PLEKHH3: variants seen among roughly 807,000 people sequenced by gnomAD.
PLEKHH3 encodes the protein pleckstrin homology domain-containing family H member 3.
In PLEKHH3, 57 loss-of-function variants were observed where a neutral mutation model predicts 77.8. The observed-to-expected ratio is 0.73, with a 90% CI of 0.59 to 0.91. The LOEUF is 0.91. PLEKHH3 is among the 40% of genes least tolerant of loss of function. The pLI is 0.00. For missense variants in PLEKHH3, 1,082 were observed against 1,091.2 expected, an observed-to-expected ratio of 0.99 and a Z score of 0.12; for synonymous variants, 467 against 504.8, an observed-to-expected ratio of 0.93 and a Z score of 1.00.
At position 42,672,075 on chromosome 17, in the gene PLEKHH3, G is replaced by GC; in HGVS notation, c.1076+10dup. 1.0e-5 allele frequency: 15 copies of GC among 1,455,968 alleles called. No homozygotes were observed. Among genetic ancestry groups the GC allele is most frequent in the Non-Finnish European group, 1.4e-5 (15 of 1,099,340 alleles). 90.2% of individuals were successfully genotyped at this position (1,455,968 alleles called of 1,614,324 possible). ...TCGCCTAGGCCGTAACCCCCACCTC[G>GC]CCCCTCTCACCTCTCCAAGTGCCCC... On this transcript the variant is annotated intron_variant, in intron 7 of 12. Transcript: ENST00000591022.
At position 42,669,434 on chromosome 17, in the gene PLEKHH3, G is replaced by A; in HGVS notation, c.2201C>T (p.Pro734Leu). ...ACAACTCCTCTTCTCACTCACCTGG[G>A]GGCTCTGCAGGAGGAGCTGGCTCTC... is the stretch of plus-strand genomic sequence containing the variant. ...VGESQLLLQS[P>L]QVEEIMQLVN... Residue 734 changes from proline to leucine, a missense_variant, in exon 12 of 13, where the codon CCC (proline) becomes CTC (leucine). Coordinates refer to ENST00000591022, the MANE Select transcript of PLEKHH3 (RefSeq NM_024927.5). 1 of 1,537,182 alleles carries A rather than the reference G, an allele frequency of 6.5e-7. No homozygotes were observed. Among genetic ancestry groups the A allele is most frequent in the Non-Finnish European group, 8.8e-7 (1 of 1,137,922 alleles).
rs370126779 is a variant in PLEKHH3, at chr17:42,673,993, G to A, written c.239C>T (p.Thr80Ile). 3 of 1,613,246 alleles carry A rather than the reference G, an allele frequency of 1.9e-6. No homozygotes were observed. The highest frequency in any genetic ancestry group is 2.5e-6 in the Non-Finnish European group (3 of 1,179,904). ...VSNRLQSWEE[T>I]WSLIPEKGLP... ...CCCTTTCTCCGGGATGAGGCTCCAAGTCTCCTCCCAGCTCTGCAGCCTGGG... is the reference window on the plus strand; with the variant it reads ...CCCTTTCTCCGGGATGAGGCTCCAAATCTCCTCCCAGCTCTGCAGCCTGGG... Residue 80 changes from threonine (T) to isoleucine (I), a missense_variant, in exon 3 of 13, where the codon ACT becomes ATT. By Grantham distance (89) the Thr-to-Ile change is moderately conservative (BLOSUM62 -1). Around this residue, in one of 3 missense-constraint regions of PLEKHH3, gnomAD observed 344 missense variants for 320.8 expected, o/e 1.07. Transcript: ENST00000591022.
Position 42,671,500 on chromosome 17 carries a change from C to T in PLEKHH3, c.1135G>A (p.Ala379Thr), listed in dbSNP as rs760829566. The T allele has an allele frequency of 6.2e-7, 1 of 1,613,090 alleles. No homozygotes were observed. Among genetic ancestry groups the T allele is most frequent in the South Asian group, 1.1e-5 (1 of 91,044 alleles). Residue 379 changes from alanine (A) to threonine (T), a missense_variant, in exon 8 of 13, where the codon GCG becomes ACG. Transcript: ENST00000591022. The surrounding 1 kb of genome is among the most constrained non-coding windows in gnomAD (Gnocchi z 4.7). ...TCTCTGCCGCGCGTCCGGCCCAGCG[C>T]TTTCCGGATGAAGCGCGCATATTCC... is the stretch of plus-strand genomic sequence containing the variant. ...LAEYARFIRKALGRTRGRELV... is the reference protein window; with the variant it reads ...LAEYARFIRKTLGRTRGRELV...
intron 12 of PLEKHH3, 109 bp from the exon 13 acceptor site, chr17:42,668,412 G>T: frequency 1.1e-6 from 1 of 939,642 alleles, no homozygotes; most frequent in Non-Finnish European, 1.5e-6. Context: ...GGTCCTACGT[G>T]CTCTGGCCCT....
At chr17:42,675,758 G>A (rs2052809919) in intron 1 of PLEKHH3, 1 of 579,576 alleles carries the variant, frequency 1.7e-6, no homozygotes, top group South Asian at 7.5e-5. Flanking sequence ...TTCCCCACGG[G>A]GAGATTCGAC....
In PLEKHH3 at chr17:42,676,025, G is replaced by C; in HGVS notation, c.162+377C>G. 7 of 1,103,210 alleles carry C rather than the reference G, an allele frequency of 6.3e-6. 1 individual carries two copies. The South Asian group carries it at 2.0e-4, about 31-fold the overall frequency. 68.3% of individuals were successfully genotyped at this position (1,103,210 alleles called of 1,614,324 possible). A position where few individuals can be genotyped will look rare whatever the true frequency, so the allele number is the denominator to read the frequency against. Reference sequence around the variant, plus strand: ...CACTTGCGAACTGGGAGCGGAGGGGGACCCAGGCGTTCGAGCCGCCCAGCC... The same window carrying C: ...CACTTGCGAACTGGGAGCGGAGGGGCACCCAGGCGTTCGAGCCGCCCAGCC... On this transcript the variant is annotated intron_variant, in intron 1 of 12. Coordinates refer to ENST00000591022, the MANE Select transcript of PLEKHH3 (RefSeq NM_024927.5). This position sits in a 1 kb window ranked among gnomAD's most constrained non-coding sequence, Gnocchi z 6.6.
At chr17:42,675,874 G>A in intron 1 of PLEKHH3, 2 of 1,001,894 alleles carry the variant, frequency 2.0e-6, no homozygotes, top group Non-Finnish European at 2.4e-6. Flanking sequence ...GCAGGGTAAT[G>A]AGGAGGGGTC....
At chr17:42,670,462 T>C in intron 10 of PLEKHH3, 86 bp from the exon 11 acceptor site, 1 of 1,513,372 alleles carries the variant, frequency 6.6e-7, no homozygotes, top group South Asian at 1.3e-5. Flanking sequence ...AGGTCTAGGT[T>C]CCAGTCAAGC....
Position 42,676,482 on chromosome 17 carries a change from C to T in PLEKHH3, c.82G>A (p.Glu28Lys), listed in dbSNP as rs1366864769. The T allele has an allele frequency of 3.1e-6, 5 of 1,610,946 alleles. No individual in the cohort carries two copies. The Admixed American group carries it at 8.4e-5, about 27-fold the overall frequency. The stretch of plus-strand genomic sequence containing the variant: ...TCCTCGTCCCCGTCCCCGCTAAGCT[C>T]GCCGTCCCCGTAGTCCCGGTGCAGA... ...TLLHRDYGDGELSGDGDEDED... is the reference protein window; with the variant it reads ...TLLHRDYGDGKLSGDGDEDED... The change falls in exon 1 of 13, where the codon GAG becomes AAG. Residue 28 changes from glutamate (E) to lysine (K), a missense_variant. By Grantham distance (56) the Glu-to-Lys change is moderately conservative. Around this residue, in one of 3 missense-constraint regions of PLEKHH3, gnomAD observed 344 missense variants for 320.8 expected, o/e 1.07. Coordinates refer to ENST00000591022, the MANE Select transcript of PLEKHH3 (RefSeq NM_024927.5). The surrounding 1 kb of genome is among the most constrained non-coding windows in gnomAD (Gnocchi z 6.6).
In PLEKHH3 at chr17:42,670,221, G is replaced by A; in HGVS notation, c.1710C>T (p.Arg570=). 1 of 1,213,482 alleles carries A rather than the reference G, an allele frequency of 8.2e-7. No homozygotes were observed. Among genetic ancestry groups the A allele is most frequent in the Non-Finnish European group, 1.0e-6 (1 of 976,828 alleles). The allele number at this position is 1,213,482 out of a possible 1,614,324, so 75.2% of individuals were successfully genotyped here. A position where few individuals can be genotyped will look rare whatever the true frequency, so the allele number is the denominator to read the frequency against. Residue 570 remains arginine (R), a synonymous_variant, in exon 11 of 13, where the codon CGC becomes CGT. Transcript: ENST00000591022. The part of the protein sequence containing the change: ...DRLLPPPAPP[R]EDPPRPTPRP... ...TGGGGGTCGGGCGGGGCGGGTCTTC[G>A]CGCGGCGGGGCCGGGGGCGGGAGCA...
At chr17:42,668,462 C>CT in intron 12 of PLEKHH3, 159 bp from the exon 13 acceptor site, 1 of 587,936 alleles carries the variant, frequency 1.7e-6, no homozygotes. Flanking sequence ...TCCTTCATTT[C>CT]TTTTTTGTTT....
intron 1 of PLEKHH3, 117 bp from the exon 2 acceptor site, chr17:42,674,526 G>T: frequency 1.1e-6 from 1 of 912,212 alleles, no homozygotes. Flanking sequence ...TCACAGAGTG[G>T]GGTCGTGACT....
intron 12 of PLEKHH3, chr17:42,668,687 G>A (rs1300900518): frequency 6.4e-6 from 1 of 155,166 alleles, no homozygotes; most frequent in Non-Finnish European, 1.4e-5. Flanking sequence ...TCGATCTCCT[G>A]ACCTCATGAT....
intron 11 of PLEKHH3, 50 bp downstream of exon 11, chr17:42,669,868 A>C: frequency 6.2e-7 from 1 of 1,602,612 alleles, no homozygotes. Flanking sequence ...TCTGGGGCAA[A>C]GGTGTGGGGC....
Position 42,676,817 on chromosome 17 carries a change from G to C in PLEKHH3, c.-254C>G. The C allele has an allele frequency of 1.8e-6, 1 of 560,420 alleles. No homozygotes were observed. Among genetic ancestry groups the C allele is most frequent in the Non-Finnish European group, 3.2e-6 (1 of 313,528 alleles). The allele number at this position is 560,420 out of a possible 1,614,324, so 34.7% of individuals were successfully genotyped here. ...GTCCAGGGCCCCGGGAGAGGAGGGAGCAATGTCCGGAGCTGGGAAGTAGTG... is the reference window on the plus strand; with the variant it reads ...GTCCAGGGCCCCGGGAGAGGAGGGACCAATGTCCGGAGCTGGGAAGTAGTG... On this transcript the variant is annotated 5_prime_UTR_variant, in exon 1 of 13. Coordinates refer to ENST00000591022, the MANE Select transcript of PLEKHH3 (RefSeq NM_024927.5). This position sits in a 1 kb window ranked among gnomAD's most constrained non-coding sequence, Gnocchi z 6.6.
At chr17:42,672,532 A>G in intron 6 of PLEKHH3, 140 bp from the exon 7 acceptor site, 3 of 741,688 alleles carry the variant, frequency 4.0e-6, no homozygotes, top group Non-Finnish European at 6.3e-6. Flanking sequence ...GAACGACAGG[A>G]AGAGTGAAGG....
rs2052659515 is a variant in PLEKHH3, at chr17:42,670,247, G to C, written c.1684C>G (p.Leu562Val). ...CGCGGCGGGGCCGGGGGCGGGAGCA[G>C]GCGGTCCAGGCGGGGCAGGGGCACC... ...PRVPLPRLDR[L>V]LPPPAPPRED... Residue 562 changes from leucine (L) to valine (V), a missense_variant, in exon 11 of 13, where the codon CTG (leucine) becomes GTG (valine). By Grantham distance (32) the Leu-to-Val change is conservative. Coordinates refer to ENST00000591022, the MANE Select transcript of PLEKHH3 (RefSeq NM_024927.5). The C allele has an allele frequency of 1.6e-6, 2 of 1,230,656 alleles. No homozygotes were observed. Among genetic ancestry groups the C allele is most frequent in the Non-Finnish European group, 1.0e-6 (1 of 987,552 alleles). The allele number at this position is 1,230,656 out of a possible 1,614,324, so 76.2% of individuals were successfully genotyped here. A position where few individuals can be genotyped will look rare whatever the true frequency, so the allele number is the denominator to read the frequency against.
rs2143615116 is a variant in PLEKHH3, at chr17:42,676,148, G to A, written c.162+254C>T. On this transcript the variant is annotated intron_variant, in intron 1 of 12. Coordinates refer to ENST00000591022, the MANE Select transcript of PLEKHH3 (RefSeq NM_024927.5). This position sits in a 1 kb window ranked among gnomAD's most constrained non-coding sequence, Gnocchi z 6.6. ...GAGAGGCAGGGCCAGGTCGGGCCAC[G>A]CGTGACGCCTCCCCTGCCTCAGGGC... 7.3e-7 allele frequency: 1 copy of A among 1,364,222 alleles called. No individual in the cohort carries two copies. The highest frequency in any genetic ancestry group is 9.4e-7 in the Non-Finnish European group (1 of 1,060,146). The allele number at this position is 1,364,222 out of a possible 1,614,324, so 84.5% of individuals were successfully genotyped here.
chr17:42,675,462 G>C (rs1176854499), intron 1 of PLEKHH3, among the ~76,000 whole-genome samples: 2 of 152,088 alleles, frequency 1.3e-5, no homozygotes, highest in African/African-American at 4.8e-5. Flanking sequence ...GGCAGGTACT[G>C]ACCACCCTCT....
Sources: gnomAD v4.1 joint callset for allele counts (sites outside exome capture counted in the v4.1 genomes callset) on GRCh38, gnomAD v4.1.1 for gene constraint, gnomAD v4.1.1 regional missense constraint, Gnocchi (gnomAD v3.1) non-coding constraint, MANE v1.5 for transcripts, NCBI Gene and HGNC (gene_info 2026-07-23, HGNC 2026-07-21) for gene names.